The following NXPE2 variants were observed in gnomAD, a reference collection of about 807,000 sequenced individuals.
NXPE2 encodes NXPE family member 2.
A neutral mutation model predicts 34.4 loss-of-function variants in NXPE2; 34 were observed. That is an observed-to-expected ratio of 0.99 (90% CI 0.75 to 1.31). The LOEUF (loss-of-function observed/expected upper bound fraction) is 1.31, where lower values mean the gene tolerates loss of function less well. Ranked by LOEUF, NXPE2 falls within the 40% of genes most tolerant of loss-of-function variation. The probability of loss-of-function intolerance (pLI) is 0.00; values close to 1 mark genes in which losing one functional copy is unlikely to be tolerated. For synonymous variants in NXPE2, 235 were observed against 231.3 expected, an observed-to-expected ratio of 1.02 and a Z score of -0.15; for missense variants, 649 against 672.5, an observed-to-expected ratio of 0.97 and a Z score of 0.39.
At chr11:114,692,167 T>G (rs1258649270) in intron 2 of NXPE2, among the ~76,000 whole-genome samples, 2 of 152,222 alleles carry the variant, frequency 1.3e-5, no homozygotes, top group Non-Finnish European at 2.9e-5. Context: ...TGGTCACCAC[T>G]GCCAAGTGGC....
Position 114,706,785 on chromosome 11 carries a change from T to A in NXPE2, c.1535T>A (p.Leu512His). 1 of 1,552,402 alleles carries A rather than the reference T, an allele frequency of 6.4e-7. No individual in the cohort carries two copies. Among genetic ancestry groups the A allele is most frequent in the South Asian group, 1.2e-5 (1 of 84,052 alleles). The change falls in exon 6 of 6, where the codon CTT becomes CAT. Residue 512 changes from leucine (L) to histidine (H), a missense_variant. By Grantham distance (99) the Leu-to-His change is moderately conservative. Coordinates refer to ENST00000389586, the MANE Select transcript of NXPE2 (RefSeq NM_182495.6). Reference sequence around the variant, plus strand: ...GACTTTCATGGCTATATTCAGAATCTTATCATAAGAGATATTTTTGTGGAT... The same window carrying A: ...GACTTTCATGGCTATATTCAGAATCATATCATAAGAGATATTTTTGTGGAT... ...FSDFHGYIQN[L>H]IIRDIFVDLN...
chr11:114,516,599 T>G, the NXPE2 span, among the ~76,000 whole-genome samples: 1 of 152,024 alleles, frequency 6.6e-6, no homozygotes, highest in South Asian at 2.1e-4. Flanking sequence ...TTGAAAAACT[T>G]TTTTGGAATT....
chr11:114,623,284 G>C, the NXPE2 span, among the ~76,000 whole-genome samples: 34 of 152,108 alleles, frequency 2.2e-4, no homozygotes, highest in African/African-American at 7.7e-4. Context: ...GGTGACAACT[G>C]TTACCCAGTG....
chr11:114,792,798 C>T, the NXPE2 span, among the ~76,000 whole-genome samples: 1 of 152,194 alleles, frequency 6.6e-6, no homozygotes. Context: ...TTCTGCTAAA[C>T]ACTTTACGTA....
At chr11:114,562,763 A>T in the NXPE2 span, among the ~76,000 whole-genome samples, 3 of 152,216 alleles carry the variant, frequency 2.0e-5, no homozygotes, top group South Asian at 6.2e-4. Flanking sequence ...TTAGGAATTA[A>T]TCTAGCTTCA....
chr11:114,641,046 A>G, the NXPE2 span, among the ~76,000 whole-genome samples: 1 of 151,762 alleles, frequency 6.6e-6, no homozygotes, highest in East Asian at 1.9e-4. Flanking sequence ...CAGAAACAAG[A>G]CATCAGAAAG....
At chr11:114,582,980 C>T in the NXPE2 span, 1 of 1,613,666 alleles carries the variant, frequency 6.2e-7, no homozygotes, top group East Asian at 2.2e-5. Context: ...TGGAGTTGTT[C>T]CAGTAATGGA....
At chr11:114,805,684 C>T in the NXPE2 span, among the ~76,000 whole-genome samples, 1 of 152,216 alleles carries the variant, frequency 6.6e-6, no homozygotes, top group South Asian at 2.1e-4. Context: ...ATTAGGTAAA[C>T]AAAGCAGCCG....
At chr11:114,764,911 G>A in the NXPE2 span, among the ~76,000 whole-genome samples, 1 of 152,152 alleles carries the variant, frequency 6.6e-6, no homozygotes, top group Non-Finnish European at 1.5e-5. Flanking sequence ...TTGTGTCTGA[G>A]TGGACTTTTT....
At chr11:114,607,343 T>C in the NXPE2 span, among the ~76,000 whole-genome samples, 2 of 152,006 alleles carry the variant, frequency 1.3e-5, no homozygotes, top group South Asian at 4.1e-4. Context: ...TACTAAGTAT[T>C]GCCTCGTGGG....
the NXPE2 span, among the ~76,000 whole-genome samples, chr11:114,566,686 T>C: frequency 6.7e-6 from 1 of 149,746 alleles, no homozygotes; most frequent in Non-Finnish European, 1.5e-5. Context: ...ACACATGTAA[T>C]ATCAAGGGAT....
the NXPE2 span, chr11:114,595,575 T>C: frequency 4.6e-5 from 7 of 152,326 alleles, no homozygotes; most frequent in Admixed American, 2.6e-4. Context: ...TTCCCAATTT[T>C]ACAAATTTTT....
the NXPE2 span, chr11:114,530,833 A>G: frequency 5.0e-5 from 80 of 1,614,000 alleles, no homozygotes; most frequent in Non-Finnish European, 6.5e-5. Flanking sequence ...GGTATCAGTG[A>G]TGTTTTAGGG....
chr11:114,620,228 T>A, the NXPE2 span, among the ~76,000 whole-genome samples: 3 of 152,086 alleles, frequency 2.0e-5, no homozygotes, highest in African/African-American at 7.2e-5. Context: ...GTAACCACTG[T>A]TATCCGTTGG....
chr11:114,717,646 T>C, the NXPE2 span, among the ~76,000 whole-genome samples: 1 of 152,198 alleles, frequency 6.6e-6, no homozygotes, highest in East Asian at 1.9e-4. Flanking sequence ...ATCTTTCAGG[T>C]AGAAGAGTTT....
the NXPE2 span, among the ~76,000 whole-genome samples, chr11:114,643,855 G>A: frequency 3.3e-5 from 5 of 152,136 alleles, no homozygotes; most frequent in Non-Finnish European, 5.9e-5. Flanking sequence ...ACTTTAGGCA[G>A]AATGGCCACT....
chr11:114,806,119 C>G, the NXPE2 span, among the ~76,000 whole-genome samples: 1 of 152,196 alleles, frequency 6.6e-6, no homozygotes, highest in Non-Finnish European at 1.5e-5. Context: ...CTCCAACAGA[C>G]CTGCAGCTGA....
At chr11:114,722,643 C>G in the NXPE2 span, among the ~76,000 whole-genome samples, 2 of 152,164 alleles carry the variant, frequency 1.3e-5, no homozygotes, top group Admixed American at 1.3e-4. Flanking sequence ...GGATTCCTCA[C>G]AGATCCCTGA....
chr11:114,774,755 C>T, the NXPE2 span, among the ~76,000 whole-genome samples: 2 of 152,228 alleles, frequency 1.3e-5, no homozygotes, highest in Non-Finnish European at 2.9e-5. Context: ...CCCTTCTTGA[C>T]TCAAGCCCGA....
Sources: allele counts gnomAD v4.1 joint callset (sites outside exome capture counted in the v4.1 genomes callset), GRCh38; gene constraint gnomAD v4.1.1; transcripts MANE v1.5; gene names NCBI Gene and HGNC (gene_info 2026-07-23, HGNC 2026-07-21).